PRRC2B: variants seen among roughly 807,000 people sequenced by gnomAD.
PRRC2B encodes the protein protein PRRC2B.
PRRC2B carries 68 observed loss-of-function variants against 242.3 expected under a neutral mutation model. The observed-to-expected ratio is 0.28, with a 90% confidence interval of 0.23 to 0.34. PRRC2B has a LOEUF of 0.34. Among genes scored for constraint, PRRC2B ranks in the 10% least tolerant of loss-of-function variants. The pLI, the probability that PRRC2B is intolerant of heterozygous loss-of-function variation, is 1.00. For synonymous variants in PRRC2B, 1,228 were observed against 1,173.6 expected, an observed-to-expected ratio of 1.05 and a Z score of -0.95; for missense variants, 2,835 against 2,954.8, an observed-to-expected ratio of 0.96 and a Z score of 0.94.
At chr9:131,463,488 GC>G (rs1943300638) in intron 11 of PRRC2B, among the ~76,000 whole-genome samples, 2 of 152,110 alleles carry the variant, frequency 1.3e-5, no homozygotes, top group African/African-American at 4.8e-5. Flanking sequence ...TCAGGTGACA[GC>G]TGTCCATCAT....
chr9:131,490,693 T>C, intron 28 of PRRC2B: 2 of 465,358 alleles, frequency 4.3e-6, no homozygotes, highest in Admixed American at 2.3e-5. Flanking sequence ...CCTGTTCTCC[T>C]GTCAGCATGC....
intron 1 of PRRC2B, among the ~76,000 whole-genome samples, chr9:131,419,597 G>A (rs966232957): frequency 1.3e-5 from 2 of 152,224 alleles, no homozygotes; most frequent in Non-Finnish European, 2.9e-5. Context: ...GGTGACAGCC[G>A]CCATTGGTCG....
In PRRC2B at chr9:131,455,089, A is replaced by G. The variant is rs141609653; in HGVS notation, c.1134A>G (p.Glu378=). ...ADDGWAGLHE[E]VDYSEKLKFS... ...CTGCTGTTGTAGGCCTCCATGAAGA[A>G]GTGGACTATTCTGAGAAACTGAAGT... Residue 378 remains glutamate, a synonymous_variant, in exon 10 of 32, where the codon GAA becomes GAG. Coordinates refer to ENST00000683519, the MANE Select transcript of PRRC2B (RefSeq NM_013318.4). The G allele has an allele frequency of 6.2e-7, 1 of 1,613,510 alleles. No individual in the cohort carries two copies. The highest frequency in any genetic ancestry group is 1.3e-5 in the African/African-American group (1 of 75,032).
Position 131,424,143 on chromosome 9 carries a change from T to C in PRRC2B, c.-51-5951T>C, listed in dbSNP as rs573623692. The stretch of plus-strand genomic sequence containing the variant: ...TTTTAGTAGAGACAGAGTTTTACCA[T>C]GTTGCTCAGGCTGGTCTTGAACTCT... On this transcript the variant is annotated intron_variant, in intron 1 of 31. Coordinates refer to ENST00000683519, the MANE Select transcript of PRRC2B (RefSeq NM_013318.4). Among the ~76,000 whole-genome samples, 24 of 152,314 alleles carry C rather than the reference T, an allele frequency of 1.6e-4. No homozygotes were observed. In the East Asian group the frequency reaches 4.4e-3, roughly 28 times the overall value.
At chr9:131,382,266 C>T (rs1836771266) in intron 1 of PRRC2B, among the ~76,000 whole-genome samples, 1 of 152,156 alleles carries the variant, frequency 6.6e-6, no homozygotes, top group Non-Finnish European at 1.5e-5. Flanking sequence ...ATCCACCCTC[C>T]TCGGCTTCTC....
intron 1 of PRRC2B, among the ~76,000 whole-genome samples, chr9:131,424,278 A>G (rs1367545714): frequency 6.6e-6 from 1 of 152,116 alleles, no homozygotes; most frequent in Non-Finnish European, 1.5e-5. Flanking sequence ...AGTTGTCAAC[A>G]TTGATGGGCT....
chr9:131,420,453 T>TTTTCTTTTTCTTTCTTTCTTTC (rs1837777532), intron 1 of PRRC2B, among the ~76,000 whole-genome samples: 1 of 60,988 alleles, frequency 1.6e-5, no homozygotes, highest in Non-Finnish European at 3.3e-5. Flanking sequence ...TTCTTTTTCT[T>TTTTCTTTTTCTTTCTTTCTTTC]TTTCTTTCTT....
intron 2 of PRRC2B, 41 bp downstream of exon 2, chr9:131,430,300 C>A: frequency 8.0e-7 from 1 of 1,256,736 alleles, no homozygotes. Flanking sequence ...AAACTTTCTC[C>A]GAGTGACATA....
At position 131,482,842 on chromosome 9, in the gene PRRC2B, G is replaced by A. The variant is rs759492413; in HGVS notation, c.5308G>A (p.Gly1770Arg). 8.7e-6 allele frequency: 14 copies of A among 1,608,530 alleles called. No individual in the cohort carries two copies. Among genetic ancestry groups the A allele is most frequent in the East Asian group, 6.7e-5 (3 of 44,678 alleles). The change falls in exon 22 of 32, where the codon GGG becomes AGG. Residue 1770 changes from glycine to arginine, a missense_variant. Physicochemically the swap from Gly to Arg is moderately radical, Grantham distance 125. Transcript: ENST00000683519. This position sits in a 1 kb window ranked among gnomAD's most constrained non-coding sequence, Gnocchi z 5.2. ...LQGAVVPPVNGVEIHVDSVLP... is the reference protein window; with the variant it reads ...LQGAVVPPVNRVEIHVDSVLP... Reference sequence around the variant, plus strand: ...AGGGGCTGTCGTCCCGCCTGTTAACGGGGTGGAGATTCACGTGGACTCCGT... The same window carrying A: ...AGGGGCTGTCGTCCCGCCTGTTAACAGGGTGGAGATTCACGTGGACTCCGT...
Position 131,470,827 on chromosome 9 carries a change from C to T in PRRC2B, c.1951C>T (p.Pro651Ser), listed in dbSNP as rs1240617176. 2 of 1,612,080 alleles carry T rather than the reference C, an allele frequency of 1.2e-6. No individual in the cohort carries two copies. The highest frequency in any genetic ancestry group is 1.7e-5 in the Admixed American group (1 of 59,946). ...GATGCAGCACTGGCAGCCGGTGTAC[C>T]CCCCGCCGTCCCACCCCCAGCGCAC... The part of the protein sequence containing the change: ...YKMQHWQPVY[P>S]PPSHPQRTFY... Residue 651 changes from proline (P) to serine (S), a missense_variant, in exon 14 of 32, where the codon CCC becomes TCC. This residue lies in a region of PRRC2B where 1,536 missense variants were observed against 1,483.1 expected (regional missense o/e 1.04). Transcript: ENST00000683519.
intron 1 of PRRC2B, among the ~76,000 whole-genome samples, chr9:131,429,465 C>G (rs954126525): frequency 6.6e-6 from 1 of 152,168 alleles, no homozygotes; most frequent in African/African-American, 2.4e-5. Context: ...CTGGGGAGTT[C>G]TTGCTTTCTG....
At chr9:131,425,271 C>G (rs984297370) in intron 1 of PRRC2B, among the ~76,000 whole-genome samples, 2 of 152,130 alleles carry the variant, frequency 1.3e-5, no homozygotes, top group Non-Finnish European at 2.9e-5. Flanking sequence ...CAGGCGTGAG[C>G]TACCACGCCT....
At chr9:131,492,368 G>T in intron 30 of PRRC2B, 108 bp downstream of exon 30, 1 of 798,554 alleles carries the variant, frequency 1.3e-6, no homozygotes, top group South Asian at 1.5e-5. Flanking sequence ...CAGAGACCTG[G>T]TCCCTCTATG....
intron 25 of PRRC2B, chr9:131,485,648 G>C (rs369494157): frequency 3.7e-6 from 2 of 535,648 alleles, no homozygotes; most frequent in South Asian, 2.8e-5. Flanking sequence ...TGGGGGTTTT[G>C]AGGGCCCAGC....
At chr9:131,478,771 G>A (rs186417828) in intron 18 of PRRC2B, among the ~76,000 whole-genome samples, 152 bp downstream of exon 18, 88 of 152,272 alleles carry the variant, frequency 5.8e-4, no homozygotes, top group Non-Finnish European at 1.1e-3. Context: ...TTGTCTCCCC[G>A]TTCCTGCTAT....
At chr9:131,398,919 A>G (rs538029921) in intron 1 of PRRC2B, among the ~76,000 whole-genome samples, 1 of 152,278 alleles carries the variant, frequency 6.6e-6, no homozygotes, top group South Asian at 2.1e-4. Flanking sequence ...TTGAGGTTGC[A>G]GTGAGCCGTG....
chr9:131,479,161 G>A (rs1588276580), intron 18 of PRRC2B, 91 bp from the exon 19 acceptor site: 1 of 1,330,150 alleles, frequency 7.5e-7, no homozygotes, highest in Non-Finnish European at 1.1e-6. Context: ...TTCAGGTGGT[G>A]TGATTTTTGG....
chr9:131,429,184 T>C (rs1469289983), intron 1 of PRRC2B, among the ~76,000 whole-genome samples: 1 of 152,180 alleles, frequency 6.6e-6, no homozygotes, highest in Non-Finnish European at 1.5e-5. Flanking sequence ...TGACCTTAAG[T>C]GATCTGCCCA....
At chr9:131,430,839 C>T (rs1055144580) in intron 2 of PRRC2B, among the ~76,000 whole-genome samples, 10 of 151,970 alleles carry the variant, frequency 6.6e-5, no homozygotes, top group South Asian at 4.2e-4. Flanking sequence ...GTGATCCACC[C>T]GCCTCGGCCT....
Sources: gnomAD v4.1 joint callset for allele counts (sites outside exome capture counted in the v4.1 genomes callset) on GRCh38, gnomAD v4.1.1 for gene constraint, gnomAD v4.1.1 regional missense constraint, Gnocchi (gnomAD v3.1) non-coding constraint, MANE v1.5 for transcripts, NCBI Gene and HGNC (gene_info 2026-07-23, HGNC 2026-07-21) for gene names.